RSPO1: variants seen among roughly 807,000 people sequenced by gnomAD.
RSPO1 encodes R-spondin 1, also known as R-spondin-1.
A neutral mutation model predicts 26.0 loss-of-function variants in RSPO1; 18 were observed. The observed-to-expected ratio is 0.69, with a 90% CI of 0.48 to 1.03. RSPO1 has a LOEUF of 1.03. Ranked by LOEUF, RSPO1 falls within the 50% of genes least tolerant of loss-of-function variation. The probability of loss-of-function intolerance (pLI) is 0.00; values close to 1 mark genes in which losing one functional copy is unlikely to be tolerated. For missense variants in RSPO1, 309 were observed against 352.3 expected (o/e 0.88, Z 0.98); for synonymous variants, 133 against 137.4 (o/e 0.97, Z 0.22).
At chr1:37,618,657 C>A (rs1263052726) in intron 3 of RSPO1, among the ~76,000 whole-genome samples, 1 of 152,148 alleles carries the variant, frequency 6.6e-6, no homozygotes, top group African/African-American at 2.4e-5. Context: ...GGAAATGCAA[C>A]CAGTAGGCCA....
chr1:37,617,148 C>A (rs140479660), intron 3 of RSPO1, among the ~76,000 whole-genome samples: 1 of 152,298 alleles, frequency 6.6e-6, no homozygotes, highest in Non-Finnish European at 1.5e-5. Context: ...ATGCCTAGAA[C>A]AGGGGTCTCA....
At chr1:37,625,594 C>T (rs1360585872) in intron 3 of RSPO1, among the ~76,000 whole-genome samples, 1 of 152,010 alleles carries the variant, frequency 6.6e-6, no homozygotes, top group Non-Finnish European at 1.5e-5. Context: ...CACATGCTGT[C>T]CCAGGAGGTG....
In RSPO1 at chr1:37,612,549, G is replaced by A. The variant is rs758416936; in HGVS notation, c.*206C>T. 2.6e-4 allele frequency: 166 copies of A among 633,502 alleles called. 1 individual carries two copies. Among genetic ancestry groups the A allele is most frequent in the Middle Eastern group, 1.2e-3 (3 of 2,432 alleles). The allele number at this position is 633,502 out of a possible 1,614,324, so 39.2% of individuals were successfully genotyped here. ...GTGTGTGTGTGGTGTCTGTGTCTGC[G>A]TGTGTACATGAACACACATGTGCAA... is the stretch of plus-strand genomic sequence containing the variant. On this transcript the variant is annotated 3_prime_UTR_variant, in exon 7 of 7. Coordinates refer to ENST00000356545, the MANE Select transcript of RSPO1 (RefSeq NM_001242908.2).
chr1:37,629,371 G>A (rs1057104865), intron 3 of RSPO1, among the ~76,000 whole-genome samples, 197 bp downstream of exon 3: 8 of 152,250 alleles, frequency 5.3e-5, no homozygotes, highest in Non-Finnish European at 1.0e-4. Flanking sequence ...TACAGAGTGG[G>A]TAATCTCAGC....
chr1:37,612,703 G>C lies in RSPO1; in HGVS notation c.*52C>G. ...TCCAGTTCAGGAAAGCTTGAATCAC[G>C]CAGAGTAGCACTGAACTCTTTCTGC... On this transcript the variant is annotated 3_prime_UTR_variant, in exon 7 of 7. Transcript: ENST00000356545. 1 of 1,584,644 alleles carries C rather than the reference G, an allele frequency of 6.3e-7. No homozygotes were observed. Among genetic ancestry groups the C allele is most frequent in the Non-Finnish European group, 8.6e-7 (1 of 1,163,866 alleles).
chr1:37,629,486 A>C (rs1644324666), intron 3 of RSPO1, 82 bp downstream of exon 3: 2 of 1,120,080 alleles, frequency 1.8e-6, no homozygotes, highest in African/African-American at 1.5e-5. Flanking sequence ...TCATGGAATA[A>C]AACTCCTGAA....
At chr1:37,627,326 G>A (rs1309685412) in intron 3 of RSPO1, among the ~76,000 whole-genome samples, 2 of 151,862 alleles carry the variant, frequency 1.3e-5, no homozygotes, top group Non-Finnish European at 1.5e-5. Flanking sequence ...AGGCAAAATG[G>A]TCTACACATT....
At position 37,629,707 on chromosome 1, in the gene RSPO1, G is replaced by T; in HGVS notation, c.-46C>A. The T allele has an allele frequency of 5.0e-6, 8 of 1,610,072 alleles. No homozygotes were observed. Among genetic ancestry groups the T allele is most frequent in the African/African-American group, 4.0e-5 (3 of 74,892 alleles). On this transcript the variant is annotated 5_prime_UTR_variant, in exon 3 of 7. Coordinates refer to ENST00000356545, the MANE Select transcript of RSPO1 (RefSeq NM_001242908.2). ...CCCCTGGTCGGAGGGGTGGTCTCGG[G>T]GAGGGTGGATAGCACACGGCTCTTG...
chr1:37,630,045 G>A, intron 2 of RSPO1, 96 bp from the exon 3 acceptor site: 1 of 659,038 alleles, frequency 1.5e-6, no homozygotes, highest in Non-Finnish European at 2.8e-6. Context: ...AGCTCAAAAT[G>A]TTTGGACATT....
chr1:37,612,603 G>A lies in RSPO1; in HGVS notation c.*152C>T. The stretch of plus-strand genomic sequence containing the variant: ...TGTATGGTTGTATATGTGGACAGGG[G>A]TTTGAGCGTGTGTGTCTTGTGTCTA... On this transcript the variant is annotated 3_prime_UTR_variant, in exon 7 of 7. Transcript: ENST00000356545. 2.5e-6 allele frequency: 2 copies of A among 809,314 alleles called. No homozygotes were observed. Among genetic ancestry groups the A allele is most frequent in the South Asian group, 1.5e-5 (1 of 67,268 alleles). The allele number at this position is 809,314 out of a possible 1,614,324, so 50.1% of individuals were successfully genotyped here. A position where few individuals can be genotyped will look rare whatever the true frequency, so the allele number is the denominator to read the frequency against.
In RSPO1 at chr1:37,612,601, G is replaced by A. The variant is rs997063934; in HGVS notation, c.*154C>T. 6.3e-6 allele frequency: 5 copies of A among 788,350 alleles called. No homozygotes were observed. The highest frequency in any genetic ancestry group is 8.7e-6 in the Non-Finnish European group (4 of 458,670). The allele number at this position is 788,350 out of a possible 1,614,324, so 48.8% of individuals were successfully genotyped here. On this transcript the variant is annotated 3_prime_UTR_variant, in exon 7 of 7. Transcript: ENST00000356545. Reference sequence around the variant, plus strand: ...TATGTATGGTTGTATATGTGGACAGGGGTTTGAGCGTGTGTGTCTTGTGTC... The same window carrying A: ...TATGTATGGTTGTATATGTGGACAGAGGTTTGAGCGTGTGTGTCTTGTGTC...
At chr1:37,615,605 G>A (rs967514297) in intron 4 of RSPO1, among the ~76,000 whole-genome samples, 2 of 152,206 alleles carry the variant, frequency 1.3e-5, no homozygotes, top group African/African-American at 4.8e-5. Context: ...TTGTTGTGAG[G>A]CTCAACTGAT....
rs748201854 is a variant in RSPO1, at chr1:37,613,674, G to A, written c.625+30C>T. On this transcript the variant is annotated intron_variant, in intron 6 of 6. Coordinates refer to ENST00000356545, the MANE Select transcript of RSPO1 (RefSeq NM_001242908.2). This position sits in a 1 kb window ranked among gnomAD's most constrained non-coding sequence, Gnocchi z 4.5. ...CTGTCATGGCTGGTGCCTGAGCCCT[G>A]ACCCCAGGGAGGCAGAGGCTGCAGC... 2 of 1,589,976 alleles carry A rather than the reference G, an allele frequency of 1.3e-6. No individual in the cohort carries two copies. The highest frequency in any genetic ancestry group is 8.6e-7 in the Non-Finnish European group (1 of 1,162,084).
chr1:37,611,451 T>C lies in RSPO1; in HGVS notation c.*1304A>G, dbSNP rs1644023917. ...CCTTGGCACCATCCTTTTGTAGTTA[T>C]ATATGTGTTTGTACAATTCCTTGGT... On this transcript the variant is annotated 3_prime_UTR_variant, in exon 7 of 7. Coordinates refer to ENST00000356545, the MANE Select transcript of RSPO1 (RefSeq NM_001242908.2). The C allele has an allele frequency of 6.6e-6, 1 of 152,228 alleles. No individual in the cohort carries two copies. The highest frequency in any genetic ancestry group is 6.5e-5 in the Admixed American group (1 of 15,276). The allele number at this position is 152,228 out of a possible 1,614,324, so 9.4% of individuals were successfully genotyped here.
chr1:37,620,673 A>ATATGAT (rs1644187526), intron 3 of RSPO1, among the ~76,000 whole-genome samples: 1 of 149,468 alleles, frequency 6.7e-6, no homozygotes, highest in Admixed American at 6.7e-5. Flanking sequence ...TGATAAAAAT[A>ATATGAT]AAAATCACGA....
chr1:37,626,946 G>A (rs1353593775), intron 3 of RSPO1, among the ~76,000 whole-genome samples: 1 of 152,012 alleles, frequency 6.6e-6, no homozygotes, highest in Non-Finnish European at 1.5e-5. Flanking sequence ...GGAGGGGCAG[G>A]GTCCTCAATG....
chr1:37,628,238 G>C (rs933803796), intron 3 of RSPO1, among the ~76,000 whole-genome samples: 1 of 152,082 alleles, frequency 6.6e-6, no homozygotes, highest in Non-Finnish European at 1.5e-5. Context: ...ATTATAAACC[G>C]CTAAACCGCA....
chr1:37,630,902 G>A (rs951264671), intron 2 of RSPO1, among the ~76,000 whole-genome samples: 8 of 152,204 alleles, frequency 5.3e-5, no homozygotes, highest in Non-Finnish European at 1.0e-4. Flanking sequence ...AGATGCCAGG[G>A]AGCCATCACC....
intron 3 of RSPO1, among the ~76,000 whole-genome samples, chr1:37,627,995 G>A (rs945573418): frequency 1.3e-5 from 2 of 152,196 alleles, no homozygotes; most frequent in Admixed American, 6.5e-5. Context: ...CAGGAGATTC[G>A]CCATCGCTAG....
Sources: gnomAD v4.1 joint callset for allele counts (sites outside exome capture counted in the v4.1 genomes callset) on GRCh38, gnomAD v4.1.1 for gene constraint, Gnocchi (gnomAD v3.1) non-coding constraint, MANE v1.5 for transcripts, NCBI Gene and HGNC (gene_info 2026-07-23, HGNC 2026-07-21) for gene names.